Variants in ADGRL3 observed in about 807,000 individuals in gnomAD.
ADGRL3 encodes the protein calcium-independent alpha-latrotoxin receptor 3.
ADGRL3 carries 62 observed loss-of-function variants against 153.5 expected under a neutral mutation model. The ratio of observed to expected loss-of-function variants is 0.40; its 90% confidence interval spans 0.33 to 0.50. The LOEUF is 0.50. Among genes scored for constraint, ADGRL3 ranks in the 20% least tolerant of loss-of-function variants. ADGRL3 has a pLI of 0.47. For missense variants in ADGRL3, 1,641 were observed against 1,859.4 expected, an observed-to-expected ratio of 0.88 and a Z score of 2.16; for synonymous variants, 710 against 672.5, an observed-to-expected ratio of 1.06 and a Z score of -0.86.
chr4:61,973,215 A>T (rs1291644351), intron 17 of ADGRL3, among the ~76,000 whole-genome samples: 1 of 151,992 alleles, frequency 6.6e-6, no homozygotes. Flanking sequence ...TATTTTTTTT[A>T]AATCATAAGG....
chr4:62,024,897 T>C lies in ADGRL3; in HGVS notation c.3396-3958T>C, dbSNP rs549198519. Among the ~76,000 whole-genome samples the C allele has an allele frequency of 2.5e-4, 38 of 150,696 alleles. No individual in the cohort carries two copies. In the South Asian group the frequency reaches 5.7e-3, roughly 23 times the overall value. Reference sequence around the variant, plus strand: ...GTGAGCCGAGATTGTGCCATTGCACTTTAACCCAGGCGACAGTGTGAGACT... The same window carrying C: ...GTGAGCCGAGATTGTGCCATTGCACCTTAACCCAGGCGACAGTGTGAGACT... On this transcript the variant is annotated intron_variant, in intron 21 of 26. Coordinates refer to ENST00000683033, the MANE Select transcript of ADGRL3 (RefSeq NM_001387552.1).
At chr4:61,822,490 T>G (rs2148744376) in intron 9 of ADGRL3, among the ~76,000 whole-genome samples, 1 of 152,318 alleles carries the variant, frequency 6.6e-6, no homozygotes, top group South Asian at 2.1e-4. Flanking sequence ...ACTAATAGAA[T>G]GTGTTGACTT....
intron 5 of ADGRL3, among the ~76,000 whole-genome samples, chr4:61,666,903 C>A (rs944343181): frequency 3.3e-5 from 5 of 152,064 alleles, no homozygotes; most frequent in Non-Finnish European, 4.4e-5. Flanking sequence ...AAATGAAAAT[C>A]TTTTACCATT....
At chr4:61,966,487 T>C (rs1367187968) in intron 17 of ADGRL3, among the ~76,000 whole-genome samples, 2 of 152,160 alleles carry the variant, frequency 1.3e-5, no homozygotes, top group African/African-American at 2.4e-5. Context: ...TCATATCTGG[T>C]ATTTCTATGA....
At chr4:61,653,165 C>G (rs1396650410) in intron 5 of ADGRL3, among the ~76,000 whole-genome samples, 1 of 106,250 alleles carries the variant, frequency 9.4e-6, no homozygotes, top group Non-Finnish European at 2.0e-5. Context: ...CTCTCTCTCT[C>G]TCTCTCACAC....
intron 21 of ADGRL3, among the ~76,000 whole-genome samples, chr4:62,004,226 G>A (rs1039663091): frequency 6.6e-6 from 1 of 151,906 alleles, no homozygotes. Flanking sequence ...TTAATATAAT[G>A]TATATACTTA....
chr4:61,649,712 G>A (rs2094176620), intron 5 of ADGRL3, among the ~76,000 whole-genome samples: 1 of 151,978 alleles, frequency 6.6e-6, no homozygotes, highest in South Asian at 2.1e-4. Context: ...CTTTTTTATA[G>A]GTAGTAAAAT....
At chr4:61,847,201 G>A (rs2098127591) in intron 9 of ADGRL3, among the ~76,000 whole-genome samples, 2 of 151,988 alleles carry the variant, frequency 1.3e-5, no homozygotes, top group Non-Finnish European at 1.5e-5. Context: ...ACTACAGTAA[G>A]TATCTTTATA....
At chr4:61,358,564 T>A (rs918735380) in intron 1 of ADGRL3, among the ~76,000 whole-genome samples, 3 of 123,422 alleles carry the variant, frequency 2.4e-5, no homozygotes, top group South Asian at 5.0e-4. Flanking sequence ...GCCACTGCAC[T>A]CCAGCCTGGG....
chr4:61,440,718 T>G (rs570229064), intron 2 of ADGRL3, among the ~76,000 whole-genome samples: 1 of 152,300 alleles, frequency 6.6e-6, no homozygotes, highest in South Asian at 2.1e-4. Context: ...TTCTATTCAT[T>G]TATCCTGTCA....
chr4:61,843,101 C>T (rs1183310987), intron 9 of ADGRL3, among the ~76,000 whole-genome samples: 1 of 152,062 alleles, frequency 6.6e-6, no homozygotes, highest in African/African-American at 2.4e-5. Context: ...AAATGTGGGT[C>T]TTTGTTGGAA....
chr4:62,013,594 T>A (rs982172708), intron 21 of ADGRL3, among the ~76,000 whole-genome samples: 2 of 151,584 alleles, frequency 1.3e-5, no homozygotes, highest in African/African-American at 4.8e-5. Context: ...GAATTTAACA[T>A]GTCTTCAAAA....
chr4:61,637,178 G>T (rs2150109903), intron 5 of ADGRL3, among the ~76,000 whole-genome samples: 1 of 152,272 alleles, frequency 6.6e-6, no homozygotes, highest in South Asian at 2.1e-4. Flanking sequence ...CACCAAAGAT[G>T]TAATTAGTTA....
At position 61,905,478 on chromosome 4, in the gene ADGRL3, A is replaced by G. The variant is rs1205297042; in HGVS notation, c.1888-4082A>G. 4.6e-5 allele frequency among the ~76,000 whole-genome samples: 7 copies of G among 152,344 alleles called. 1 individual carries two copies. In the South Asian group the frequency reaches 1.4e-3, roughly 32 times the overall value. On this transcript the variant is annotated intron_variant, in intron 11 of 26. Transcript: ENST00000683033. ...CTTTGATCTACATTGAGTTTGTTAC[A>G]TACATATCCTTGAACCCTATAATGT...
chr4:61,952,617 A>G (rs1367358323), intron 17 of ADGRL3, among the ~76,000 whole-genome samples: 2 of 152,164 alleles, frequency 1.3e-5, no homozygotes, highest in African/African-American at 4.8e-5. Flanking sequence ...CTGTGTCAGC[A>G]CAGTTTAAAT....
chr4:61,435,920 T>G (rs1433813959), intron 2 of ADGRL3, among the ~76,000 whole-genome samples: 2 of 152,092 alleles, frequency 1.3e-5, no homozygotes, highest in African/African-American at 4.8e-5. Flanking sequence ...GAACATTTAT[T>G]GGTGATCATT....
At chr4:62,040,220 G>A (rs1045657843) in intron 24 of ADGRL3, among the ~76,000 whole-genome samples, 7 of 151,940 alleles carry the variant, frequency 4.6e-5, no homozygotes, top group Non-Finnish European at 7.4e-5. Flanking sequence ...CTCAATAAAC[G>A]GTGGTTGCTA....
intron 8 of ADGRL3, among the ~76,000 whole-genome samples, chr4:61,796,175 G>A (rs1422189965): frequency 6.6e-6 from 1 of 152,094 alleles, no homozygotes; most frequent in Non-Finnish European, 1.5e-5. Flanking sequence ...CCAACACAAT[G>A]GACTGCTTGT....
intron 21 of ADGRL3, among the ~76,000 whole-genome samples, chr4:62,026,990 T>C (rs1719019762): frequency 1.3e-5 from 2 of 152,184 alleles, no homozygotes; most frequent in South Asian, 4.1e-4. Flanking sequence ...AGAGCATTTT[T>C]GCATGGATGC....
Sources: allele counts gnomAD v4.1 joint callset (sites outside exome capture counted in the v4.1 genomes callset), GRCh38; gene constraint gnomAD v4.1.1; transcripts MANE v1.5; gene names NCBI Gene and HGNC (gene_info 2026-07-23, HGNC 2026-07-21).